The following TERT variants were observed in gnomAD, a reference collection of about 807,000 sequenced individuals.
TERT encodes the protein telomerase reverse transcriptase.
TERT carries 42 observed loss-of-function variants against 104.0 expected under a neutral mutation model. The ratio of observed to expected loss-of-function variants is 0.40; its 90% confidence interval spans 0.32 to 0.52. TERT has a LOEUF of 0.52. Among genes scored for constraint, TERT ranks in the 20% least tolerant of loss-of-function variants. The probability of loss-of-function intolerance (pLI) is 0.43; values close to 1 mark genes in which losing one functional copy is unlikely to be tolerated. For missense variants in TERT, 1,101 were observed against 1,610.3 expected (o/e 0.68, Z 5.41); for synonymous variants, 781 against 725.6 (o/e 1.08, Z -1.23).
chr5:1,273,936 CAGG>C (rs1012949751), intron 6 of TERT, among the ~76,000 whole-genome samples: 63 of 152,226 alleles, frequency 4.1e-4, no homozygotes, highest in Non-Finnish European at 8.2e-4. Context: ...ACAGCACAGG[CAGG>C]AGAAGAGTCT....
rs577872976 is a variant in TERT, at chr5:1,277,659, G to A, written c.2286+982C>T. Among the ~76,000 whole-genome samples, 131 of 150,414 alleles carry A rather than the reference G, an allele frequency of 8.7e-4. 1 individual carries two copies. The highest frequency in any genetic ancestry group is 2.9e-3 in the African/African-American group (119 of 40,740). On this transcript the variant is annotated intron_variant, in intron 6 of 15. Coordinates refer to ENST00000310581, the MANE Select transcript of TERT (RefSeq NM_198253.3). ...TTTCTACACCCGGGCACAGGTGGGCGGTGGGGACGGGGGGGTCTCCTGGGC... is the reference window on the plus strand; with the variant it reads ...TTTCTACACCCGGGCACAGGTGGGCAGTGGGGACGGGGGGGTCTCCTGGGC...
At chr5:1,285,543 C>T (rs1306697952) in intron 2 of TERT, among the ~76,000 whole-genome samples, 7 of 130,416 alleles carry the variant, frequency 5.4e-5, no homozygotes, top group South Asian at 2.7e-4. Flanking sequence ...TTCTTTTTTA[C>T]TTTTTTAATG....
chr5:1,285,789 C>T (rs879926639), intron 2 of TERT, among the ~76,000 whole-genome samples: 9 of 151,846 alleles, frequency 5.9e-5, no homozygotes, highest in Non-Finnish European at 1.2e-4. Flanking sequence ...AGGATGGTCT[C>T]GACCTCCTGA....
intron 5 of TERT, among the ~76,000 whole-genome samples, 173 bp downstream of exon 5, chr5:1,279,118 G>A (rs1320656164): frequency 6.6e-6 from 1 of 152,218 alleles, no homozygotes; most frequent in Non-Finnish European, 1.5e-5. Flanking sequence ...ATGTGCTGCA[G>A]GAAAGGCTGA....
At chr5:1,267,760 C>G (rs931540427) in intron 9 of TERT, among the ~76,000 whole-genome samples, 3 of 152,184 alleles carry the variant, frequency 2.0e-5, no homozygotes, top group African/African-American at 7.2e-5. Context: ...CACATGTTCT[C>G]ACTCACAGGT....
rs1747706656 is a variant in TERT, at chr5:1,256,055, G to T, written c.3033-644C>A. ...AGATGGGCTCTCACTCTGTCACCCA[G>T]GCTGCAGTACAGTGGTGCAATCTCA... On this transcript the variant is annotated intron_variant, in intron 13 of 15. Coordinates refer to ENST00000310581, the MANE Select transcript of TERT (RefSeq NM_198253.3). The surrounding 1 kb of genome is among the most constrained non-coding windows in gnomAD (Gnocchi z 7.0). Among the ~76,000 whole-genome samples, 1 of 152,098 alleles carries T rather than the reference G, an allele frequency of 6.6e-6. No individual in the cohort carries two copies. The highest frequency in any genetic ancestry group is 1.5e-5 in the Non-Finnish European group (1 of 68,016).
At position 1,269,471 on chromosome 5, in the gene TERT, G is replaced by A. The variant is rs561154305; in HGVS notation, c.2469-838C>T. Among the ~76,000 whole-genome samples, 10 of 152,156 alleles carry A rather than the reference G, an allele frequency of 6.6e-5. No individual in the cohort carries two copies. The highest frequency in any genetic ancestry group is 1.2e-4 in the Non-Finnish European group (8 of 67,994). ...CTAAAAATACAAAAATTAGCCAGGCGCAGGGGGTGGGTGCCTGTAATCTCA... is the reference window on the plus strand; with the variant it reads ...CTAAAAATACAAAAATTAGCCAGGCACAGGGGGTGGGTGCCTGTAATCTCA... On this transcript the variant is annotated intron_variant, in intron 8 of 15. Transcript: ENST00000310581. This position sits in a 1 kb window ranked among gnomAD's most constrained non-coding sequence, Gnocchi z 9.0.
At chr5:1,282,923 C>T (rs1750141885) in intron 2 of TERT, 2 of 488,820 alleles carry the variant, frequency 4.1e-6, no homozygotes, top group Non-Finnish European at 7.5e-6. Context: ...GCCTGGCGAA[C>T]TCACCCCGGA....
rs1007072393 is a variant in TERT at position 1,269,521 on chromosome 5, G to A, written c.2469-888C>T. Among the ~76,000 whole-genome samples, 2 of 151,854 alleles carry A rather than the reference G, an allele frequency of 1.3e-5. No individual in the cohort carries two copies. The highest frequency in any genetic ancestry group is 1.3e-4 in the Admixed American group (2 of 15,244). ...AGCTGCTCGGGAGGCTGAGGCAGGA[G>A]AAATGCTGGAACCCGGGAGGCGGAG... is the stretch of plus-strand genomic sequence containing the variant. On this transcript the variant is annotated intron_variant, in intron 8 of 15. Transcript: ENST00000310581. The surrounding 1 kb of genome is among the most constrained non-coding windows in gnomAD (Gnocchi z 9.0).
At position 1,255,054 on chromosome 5, in the gene TERT, G is replaced by C. The variant is rs1240484877; in HGVS notation, c.3157+233C>G. On this transcript the variant is annotated intron_variant, in intron 14 of 15. Coordinates refer to ENST00000310581, the MANE Select transcript of TERT (RefSeq NM_198253.3). The surrounding 1 kb of genome is among the most constrained non-coding windows in gnomAD (Gnocchi z 6.9). ...GACCAGGCCCCCCAGCGCTTCCCCAGGCAGAGCAAGGTGGGAAGGATGGCA... is the reference window on the plus strand; with the variant it reads ...GACCAGGCCCCCCAGCGCTTCCCCACGCAGAGCAAGGTGGGAAGGATGGCA... Among the ~76,000 whole-genome samples, 1 of 152,196 alleles carries C rather than the reference G, an allele frequency of 6.6e-6. No individual in the cohort carries two copies. Among genetic ancestry groups the C allele is most frequent in the African/African-American group, 2.4e-5 (1 of 41,446 alleles).
At position 1,294,478 on chromosome 5, in the gene TERT, C is replaced by A. The variant is rs766794006; in HGVS notation, c.408G>T (p.Ala136=). The change falls in exon 2 of 16, where the codon GCG becomes GCT. Residue 136 remains alanine, a synonymous_variant. Coordinates refer to ENST00000310581, the MANE Select transcript of TERT (RefSeq NM_198253.3). ...CCACGCGGCGCAGCAGCAGCCCCCACGCCCCGCTCCCCCGCAGTGCGTCGG... is the reference window on the plus strand; with the variant it reads ...CCACGCGGCGCAGCAGCAGCCCCCAAGCCCCGCTCCCCCGCAGTGCGTCGG... The part of the protein sequence containing the change: ...TVTDALRGSG[A]WGLLLRRVGD... 1 of 1,589,768 alleles carries A rather than the reference C, an allele frequency of 6.3e-7. No homozygotes were observed. Among genetic ancestry groups the A allele is most frequent in the Non-Finnish European group, 8.5e-7 (1 of 1,175,952 alleles).
chr5:1,281,086 T>C (rs1379655882), intron 3 of TERT, among the ~76,000 whole-genome samples: 1 of 151,866 alleles, frequency 6.6e-6, no homozygotes, highest in African/African-American at 2.4e-5. Context: ...ACAGTCCCAG[T>C]AGTGACAAGG....
At position 1,287,507 on chromosome 5, in the gene TERT, AAATATAT is replaced by A. The variant is rs1439408648; in HGVS notation, c.1574-4890_1574-4884del. On this transcript the variant is annotated intron_variant, in intron 2 of 15. Coordinates refer to ENST00000310581, the MANE Select transcript of TERT (RefSeq NM_198253.3). This position sits in a 1 kb window ranked among gnomAD's most constrained non-coding sequence, Gnocchi z 4.3. ...ACCAAGACTCTGTCTCAAAAAAAAA[AAATATAT>A]ATATATATATATAAATTAAAGGCAG... Among the ~76,000 whole-genome samples, 3 of 132,662 alleles carry A rather than the reference AAATATAT, an allele frequency of 2.3e-5. No homozygotes were observed. The highest frequency in any genetic ancestry group is 8.0e-5 in the Admixed American group (1 of 12,460). The allele number at this position is 132,662 out of a possible 152,430, so 87.0% of individuals were successfully genotyped here.
At position 1,287,146 on chromosome 5, in the gene TERT, G is replaced by A. The variant is rs1479902406; in HGVS notation, c.1574-4522C>T. 1.3e-5 allele frequency among the ~76,000 whole-genome samples: 2 copies of A among 152,042 alleles called. No individual in the cohort carries two copies. Among genetic ancestry groups the A allele is most frequent in the Non-Finnish European group, 2.9e-5 (2 of 68,034 alleles). The stretch of plus-strand genomic sequence containing the variant: ...CCAGTTAAACAACGACTGTCAGACT[G>A]GATTGGAAATTCACCTACATGCTGT... On this transcript the variant is annotated intron_variant, in intron 2 of 15. Transcript: ENST00000310581. The surrounding 1 kb of genome is among the most constrained non-coding windows in gnomAD (Gnocchi z 4.3).
chr5:1,276,783 A>C (rs562397246), intron 6 of TERT, among the ~76,000 whole-genome samples: 20 of 152,382 alleles, frequency 1.3e-4, no homozygotes, highest in African/African-American at 4.8e-4. Context: ...CCACAACCTC[A>C]ATACCTTGAG....
chr5:1,275,984 A>C lies in TERT; in HGVS notation c.2286+2657T>G, dbSNP rs575367790. Among the ~76,000 whole-genome samples, 67 of 147,506 alleles carry C rather than the reference A, an allele frequency of 4.5e-4. 1 individual carries two copies. Among genetic ancestry groups the C allele is most frequent in the African/African-American group, 1.5e-3 (61 of 39,678 alleles). ...ATCCCCACCTACCCCCACACATAAA[A>C]ACCAACTCCACAGATCCCCACCTAC... On this transcript the variant is annotated intron_variant, in intron 6 of 15. Coordinates refer to ENST00000310581, the MANE Select transcript of TERT (RefSeq NM_198253.3).
rs1751047217 is a variant in TERT at position 1,292,349 on chromosome 5, C to A, written c.1573+964G>T. 6.6e-6 allele frequency among the ~76,000 whole-genome samples: 1 copy of A among 152,044 alleles called. No individual in the cohort carries two copies. Among genetic ancestry groups the A allele is most frequent in the South Asian group, 2.1e-4 (1 of 4,810 alleles). ...GGGGACACGGCAGGGCCCAGCAGCACCATCCCCTGAACACCCACAAACACT... is the reference window on the plus strand; with the variant it reads ...GGGGACACGGCAGGGCCCAGCAGCAACATCCCCTGAACACCCACAAACACT... On this transcript the variant is annotated intron_variant, in intron 2 of 15. Transcript: ENST00000310581. This position sits in a 1 kb window ranked among gnomAD's most constrained non-coding sequence, Gnocchi z 5.5.
intron 6 of TERT, among the ~76,000 whole-genome samples, chr5:1,277,607 G>C (rs867913631): frequency 6.0e-5 from 4 of 66,370 alleles, no homozygotes; most frequent in South Asian, 5.9e-4. Flanking sequence ...CGGGGATGTG[G>C]GGGGGGGTCT....
In TERT at chr5:1,279,275, G is replaced by C. The variant is rs2126641564; in HGVS notation, c.2130+16C>G. On this transcript the variant is annotated intron_variant, in intron 5 of 15. Transcript: ENST00000310581. ...AAGGTCCAGCAGGGCTGCTCACGGG[G>C]GTCCCCGGCACCCACCTTGACAAAG... is the stretch of plus-strand genomic sequence containing the variant. The C allele has an allele frequency of 5.1e-6, 8 of 1,563,614 alleles. No homozygotes were observed. The highest frequency in any genetic ancestry group is 6.9e-6 in the Non-Finnish European group (8 of 1,156,206).
Sources: allele counts gnomAD v4.1 joint callset (sites outside exome capture counted in the v4.1 genomes callset), GRCh38; gene constraint gnomAD v4.1.1; non-coding constraint Gnocchi (gnomAD v3.1); transcripts MANE v1.5; gene names NCBI Gene and HGNC (gene_info 2026-07-23, HGNC 2026-07-21).